The following PPP1R21 variants were observed in gnomAD, a reference collection of about 807,000 sequenced individuals.
PPP1R21 encodes the protein KLRAQ motif containing 1.
PPP1R21 carries 85 observed loss-of-function variants against 112.8 expected under a neutral mutation model. The ratio of observed to expected loss-of-function variants is 0.75; its 90% CI spans 0.63 to 0.90. The LOEUF (loss-of-function observed/expected upper bound fraction) is 0.90, where lower values mean the gene tolerates loss of function less well. PPP1R21 is among the 40% of genes least tolerant of loss of function. The probability of loss-of-function intolerance (pLI) is 0.00; values close to 1 mark genes in which losing one functional copy is unlikely to be tolerated. For missense variants in PPP1R21, 1,199 were observed against 901.5 expected (o/e 1.33, Z -4.23); for synonymous variants, 381 against 322.3 (o/e 1.18, Z -1.95).
At chr2:48,485,194 C>T (rs1315382156) in intron 13 of PPP1R21, among the ~76,000 whole-genome samples, 1 of 152,112 alleles carries the variant, frequency 6.6e-6, no homozygotes. Context: ...AACAATCCCA[C>T]TACTATGTTC....
At chr2:48,445,691 G>A (rs778991733) in intron 1 of PPP1R21, among the ~76,000 whole-genome samples, 7 of 152,182 alleles carry the variant, frequency 4.6e-5, no homozygotes, top group South Asian at 2.1e-4. Flanking sequence ...GGGTTTTGTC[G>A]TAGTGAGTTT....
chr2:48,483,470 A>G (rs1178684204), intron 13 of PPP1R21, among the ~76,000 whole-genome samples: 1 of 152,180 alleles, frequency 6.6e-6, no homozygotes, highest in Non-Finnish European at 1.5e-5. Flanking sequence ...GGCGTGAGCC[A>G]CTGCACCTGG....
At position 48,441,019 on chromosome 2, in the gene PPP1R21, C is replaced by G. The variant is rs373198445; in HGVS notation, c.57+9C>G. Reference sequence around the variant, plus strand: ...CTCAGGAGTACTCGAAGGTACCCATCGTGGTCTGGGAGTAGGGGGTCCCCC... The same window carrying G: ...CTCAGGAGTACTCGAAGGTACCCATGGTGGTCTGGGAGTAGGGGGTCCCCC... On this transcript the variant is annotated intron_variant, in intron 1 of 21. Coordinates refer to ENST00000294952, the MANE Select transcript of PPP1R21 (RefSeq NM_001135629.3). 2 of 1,599,270 alleles carry G rather than the reference C, an allele frequency of 1.3e-6. No homozygotes were observed. The highest frequency in any genetic ancestry group is 2.7e-5 in the African/African-American group (2 of 74,520).
chr2:48,486,613 A>T lies in PPP1R21; in HGVS notation c.1319-18A>T, dbSNP rs1484392015. ...TATATATAGATAATAATGAATTTTC[A>T]TGTAATTGCTTTTATAGATATTTCC... is the stretch of plus-strand genomic sequence containing the variant. On this transcript the variant is annotated intron_variant, in intron 13 of 21. Coordinates refer to ENST00000294952, the MANE Select transcript of PPP1R21 (RefSeq NM_001135629.3). The T allele has an allele frequency of 3.8e-6, 6 of 1,582,718 alleles. No homozygotes were observed. Among genetic ancestry groups the T allele is most frequent in the Non-Finnish European group, 5.2e-6 (6 of 1,152,788 alleles).
intron 16 of PPP1R21, among the ~76,000 whole-genome samples, chr2:48,497,749 T>G (rs2103631467): frequency 6.6e-6 from 1 of 151,990 alleles, no homozygotes; most frequent in South Asian, 2.1e-4. Flanking sequence ...CCTCCTGGGT[T>G]CACGCCATTC....
chr2:48,444,781 C>G (rs1667175557), intron 1 of PPP1R21, among the ~76,000 whole-genome samples: 1 of 151,984 alleles, frequency 6.6e-6, no homozygotes, highest in African/African-American at 2.4e-5. Context: ...TGGATTCATG[C>G]TAACATTTGA....
chr2:48,454,254 CTG>C (rs2103771191), intron 2 of PPP1R21, among the ~76,000 whole-genome samples: 1 of 147,776 alleles, frequency 6.8e-6, no homozygotes, highest in South Asian at 2.1e-4. Flanking sequence ...GAGCGAGACT[CTG>C]TCTCAAAAAA....
intron 20 of PPP1R21, among the ~76,000 whole-genome samples, 169 bp downstream of exon 20, chr2:48,510,282 A>G (rs188367934): frequency 6.6e-6 from 1 of 152,356 alleles, no homozygotes; most frequent in Non-Finnish European, 1.5e-5. Flanking sequence ...TTAGGCAAAA[A>G]GTAGTTGTAT....
rs377317575 is a variant in PPP1R21 at position 48,502,291 on chromosome 2, T to C, written c.1936-3273T>C. Among the ~76,000 whole-genome samples the C allele has an allele frequency of 5.9e-5, 9 of 152,272 alleles. No individual in the cohort carries two copies. The East Asian group carries it at 1.4e-3, about 23-fold the overall frequency. ...GACCTGATACCTTTTCTCTCCATCA[T>C]GAGGGTCACAGCCAGCACTCCTATA... is the stretch of plus-strand genomic sequence containing the variant. On this transcript the variant is annotated intron_variant, in intron 17 of 21. Transcript: ENST00000294952.
At chr2:48,465,748 GA>G in intron 9 of PPP1R21, 106 bp downstream of exon 9, 1 of 921,852 alleles carries the variant, frequency 1.1e-6, no homozygotes, top group Non-Finnish European at 1.5e-6. Flanking sequence ...AAAGGACATG[GA>G]AAAAACCCAA....
intron 2 of PPP1R21, 98 bp from the exon 3 acceptor site, chr2:48,454,497 T>C: frequency 7.0e-7 from 1 of 1,435,388 alleles, no homozygotes; most frequent in Non-Finnish European, 9.5e-7. Context: ...AAGCAAGAGG[T>C]TTTGATTATA....
intron 9 of PPP1R21, 48 bp downstream of exon 9, chr2:48,465,690 A>C (rs1400037357): frequency 1.3e-6 from 2 of 1,555,462 alleles, no homozygotes; most frequent in Non-Finnish European, 1.8e-6. Context: ...CAAAATAGGG[A>C]GATATTGTTT....
At position 48,486,664 on chromosome 2, in the gene PPP1R21, T is replaced by C. The variant is rs146408463; in HGVS notation, c.1352T>C (p.Ile451Thr). 1.4e-5 allele frequency: 23 copies of C among 1,612,902 alleles called. No homozygotes were observed. Among genetic ancestry groups the C allele is most frequent in the Non-Finnish European group, 2.0e-5 (23 of 1,179,052 alleles). Residue 451 changes from isoleucine to threonine, a missense_variant, in exon 14 of 22, where the codon ATA becomes ACA. Transcript: ENST00000294952. ...ISKHYSQKAA[I>T]EHELPTATQK... ...AAACATTATAGTCAAAAAGCTGCAA[T>C]AGAGCATGAACTTCCAACAGCAACA...
At chr2:48,484,115 C>G (rs1016395058) in intron 13 of PPP1R21, among the ~76,000 whole-genome samples, 2 of 152,216 alleles carry the variant, frequency 1.3e-5, no homozygotes, top group African/African-American at 4.8e-5. Flanking sequence ...TCAGAACACG[C>G]ATACTTTTTC....
intron 11 of PPP1R21, among the ~76,000 whole-genome samples, chr2:48,473,945 A>G (rs1048111235): frequency 6.6e-6 from 1 of 152,326 alleles, no homozygotes; most frequent in East Asian, 1.9e-4. Flanking sequence ...TGGAAAAACT[A>G]TGTGTACTGG....
At chr2:48,474,270 CA>C (rs1488464041) in intron 11 of PPP1R21, among the ~76,000 whole-genome samples, 1 of 152,130 alleles carries the variant, frequency 6.6e-6, no homozygotes, top group African/African-American at 2.4e-5. Flanking sequence ...GTAATCCCAG[CA>C]ACTCAGGAGG....
At chr2:48,442,208 T>C (rs1229944132) in intron 1 of PPP1R21, among the ~76,000 whole-genome samples, 4 of 152,228 alleles carry the variant, frequency 2.6e-5, no homozygotes, top group African/African-American at 9.6e-5. Flanking sequence ...ATCCATGTGA[T>C]GAAGGGAGGT....
At chr2:48,492,412 A>G (rs1669609799) in intron 15 of PPP1R21, among the ~76,000 whole-genome samples, 1 of 151,994 alleles carries the variant, frequency 6.6e-6, no homozygotes, top group African/African-American at 2.4e-5. Context: ...GTTTAAAATA[A>G]TGACTTAGAG....
rs988284850 is a variant in PPP1R21, at chr2:48,507,194, T to C, written c.1969-75T>C. 15 of 916,068 alleles carry C rather than the reference T, an allele frequency of 1.6e-5. No individual in the cohort carries two copies. The African/African-American group carries it at 3.0e-4, about 18-fold the overall frequency. The allele number at this position is 916,068 out of a possible 1,614,324, so 56.7% of individuals were successfully genotyped here. A position where few individuals can be genotyped will look rare whatever the true frequency, so the allele number is the denominator to read the frequency against. ...AGTGAGAATGTACAAAATGTTGTCT[T>C]TTTTTTTTTTTTTTTCTAGAAATGC... On this transcript the variant is annotated intron_variant, in intron 18 of 21. Transcript: ENST00000294952.
Sources: gnomAD v4.1 joint callset for allele counts (sites outside exome capture counted in the v4.1 genomes callset) on GRCh38, gnomAD v4.1.1 for gene constraint, MANE v1.5 for transcripts, NCBI Gene and HGNC (gene_info 2026-07-23, HGNC 2026-07-21) for gene names.